Variants in DOCK4 observed in about 807,000 individuals in gnomAD.
DOCK4 encodes dedicator of cytokinesis protein 4.
A neutral mutation model predicts 268.1 loss-of-function variants in DOCK4; 97 were observed. The ratio of observed to expected loss-of-function variants is 0.36; its 90% CI spans 0.31 to 0.43. The LOEUF (loss-of-function observed/expected upper bound fraction) is 0.43. DOCK4 is among the 20% of genes least tolerant of loss of function. DOCK4 has a pLI of 1.00. For synonymous variants in DOCK4, 954 were observed against 887.2 expected (o/e 1.08, Z -1.34); for missense variants, 2,145 against 2,455.7 (o/e 0.87, Z 2.67).
At chr7:112,103,012 T>C (rs973886615) in intron 1 of DOCK4, among the ~76,000 whole-genome samples, 3 of 152,244 alleles carry the variant, frequency 2.0e-5, no homozygotes, top group Non-Finnish European at 4.4e-5. Flanking sequence ...AGTTTTCTTA[T>C]TGAACCCCAC....
intron 7 of DOCK4, among the ~76,000 whole-genome samples, chr7:111,982,066 T>C (rs1363968654): frequency 6.6e-6 from 1 of 152,218 alleles, no homozygotes; most frequent in Non-Finnish European, 1.5e-5. Flanking sequence ...GCCAATGAGA[T>C]GTAAGTGCAA....
At chr7:112,159,832 A>G (rs907094847) in intron 1 of DOCK4, among the ~76,000 whole-genome samples, 4 of 148,368 alleles carry the variant, frequency 2.7e-5, no homozygotes, top group Admixed American at 6.8e-5. Flanking sequence ...AATATTATGT[A>G]TATATATACA....
chr7:111,885,132 C>T (rs2106739), intron 16 of DOCK4, among the ~76,000 whole-genome samples: 21,801 of 152,198 alleles, frequency 0.14, 1,775 homozygotes, highest in Non-Finnish European at 0.18. Flanking sequence ...ACTGCCTGTG[C>T]TTTAATTGGA....
At chr7:111,829,201 C>T (rs1473381591) in intron 26 of DOCK4, among the ~76,000 whole-genome samples, 1 of 152,162 alleles carries the variant, frequency 6.6e-6, no homozygotes, top group East Asian at 1.9e-4. Context: ...TCAGATATCT[C>T]CATTCTATGA....
intron 13 of DOCK4, among the ~76,000 whole-genome samples, chr7:111,915,345 T>G (rs1792496323): frequency 1.3e-5 from 2 of 152,216 alleles, no homozygotes; most frequent in Non-Finnish European, 2.9e-5. Flanking sequence ...GGCTGCTTAT[T>G]TACATATGGC....
intron 1 of DOCK4, among the ~76,000 whole-genome samples, chr7:112,189,644 A>G (rs765034862): frequency 6.6e-6 from 1 of 152,212 alleles, no homozygotes; most frequent in Non-Finnish European, 1.5e-5. Flanking sequence ...GATACAATAA[A>G]AATAATACAG....
intron 1 of DOCK4, among the ~76,000 whole-genome samples, chr7:112,123,333 C>T (rs1812914136): frequency 6.6e-6 from 1 of 152,122 alleles, no homozygotes; most frequent in Non-Finnish European, 1.5e-5. Context: ...GACCTTGAGG[C>T]TTCTTCAGTT....
intron 23 of DOCK4, among the ~76,000 whole-genome samples, chr7:111,860,122 G>A (rs1163184931): frequency 6.6e-6 from 1 of 152,154 alleles, no homozygotes; most frequent in Admixed American, 6.5e-5. Flanking sequence ...TGTCTGTGGA[G>A]CCTGCTGTTT....
intron 42 of DOCK4, among the ~76,000 whole-genome samples, chr7:111,752,767 T>C (rs1254647749): frequency 1.3e-5 from 2 of 151,772 alleles, no homozygotes; most frequent in East Asian, 3.9e-4. Context: ...TTTGTATTTT[T>C]AGTACAGACG....
At chr7:111,740,652 G>A (rs1795844419) in intron 47 of DOCK4, among the ~76,000 whole-genome samples, 1 of 144,434 alleles carries the variant, frequency 6.9e-6, no homozygotes, top group African/African-American at 2.6e-5. Flanking sequence ...AAAACTGCCT[G>A]AGCCCGGGAG....
rs1281836234 is a variant in DOCK4 at position 111,758,390 on chromosome 7, A to G, written c.4329+234T>C. Among the ~76,000 whole-genome samples the G allele has an allele frequency of 2.6e-5, 4 of 152,338 alleles. No individual in the cohort carries two copies. In the East Asian group the frequency reaches 7.7e-4, roughly 29 times the overall value. ...AAAGCTGATTTTAGGACCTCCTCCCAGACCAACTGAGTCAGAATTCCTGAG... is the reference window on the plus strand; with the variant it reads ...AAAGCTGATTTTAGGACCTCCTCCCGGACCAACTGAGTCAGAATTCCTGAG... On this transcript the variant is annotated intron_variant, in intron 41 of 52. Transcript: ENST00000428084.
chr7:111,827,545 C>A (rs147742009), intron 26 of DOCK4, among the ~76,000 whole-genome samples: 234 of 152,024 alleles, frequency 1.5e-3, no homozygotes, highest in African/African-American at 5.5e-3. Flanking sequence ...AAGGCTTCAT[C>A]GAGAAGCTGA....
At chr7:111,870,233 T>C (rs188571189) in intron 20 of DOCK4, among the ~76,000 whole-genome samples, 33 of 152,074 alleles carry the variant, frequency 2.2e-4, no homozygotes, top group Middle Eastern at 3.4e-3. Flanking sequence ...TTTGAAAAAA[T>C]GTAAAAACAA....
chr7:112,020,279 T>C (rs1334261492), intron 1 of DOCK4, among the ~76,000 whole-genome samples: 1 of 152,192 alleles, frequency 6.6e-6, no homozygotes, highest in Non-Finnish European at 1.5e-5. Flanking sequence ...TTCCAAAATC[T>C]AGTTGGGTCC....
chr7:111,947,709 T>C (rs1416319270), intron 8 of DOCK4, among the ~76,000 whole-genome samples: 1 of 152,206 alleles, frequency 6.6e-6, no homozygotes, highest in African/African-American at 2.4e-5. Flanking sequence ...TTCATTATTA[T>C]TTCAAATTTA....
At chr7:111,851,596 C>T (rs1804560171) in intron 23 of DOCK4, among the ~76,000 whole-genome samples, 1 of 152,018 alleles carries the variant, frequency 6.6e-6, no homozygotes, top group Non-Finnish European at 1.5e-5. Flanking sequence ...AAAAATTCTA[C>T]TTGACTTGCA....
intron 1 of DOCK4, among the ~76,000 whole-genome samples, chr7:112,081,552 A>G (rs901874665): frequency 1.2e-4 from 19 of 152,148 alleles, no homozygotes; most frequent in African/African-American, 4.6e-4. Context: ...TTCTTCTAGA[A>G]AGATCCCAGG....
intron 17 of DOCK4, 25 bp downstream of exon 17, chr7:111,877,004 CT>C: frequency 7.0e-7 from 1 of 1,438,132 alleles, no homozygotes; most frequent in East Asian, 2.6e-5. Flanking sequence ...GGTACTAGGG[CT>C]TTCAAATAAA....
chr7:112,071,530 A>C (rs186183490), intron 1 of DOCK4, among the ~76,000 whole-genome samples: 1 of 152,352 alleles, frequency 6.6e-6, no homozygotes, highest in East Asian at 1.9e-4. Context: ...GAATGCAAAC[A>C]TATAAAAAAT....
Sources: gnomAD v4.1 joint callset for allele counts (sites outside exome capture counted in the v4.1 genomes callset) on GRCh38, gnomAD v4.1.1 for gene constraint, MANE v1.5 for transcripts, NCBI Gene and HGNC (gene_info 2026-07-23, HGNC 2026-07-21) for gene names.